The following TRPS1 variants were observed in gnomAD, a reference collection of about 807,000 sequenced individuals.
TRPS1 encodes zinc finger transcription factor Trps1.
TRPS1 carries 6 observed loss-of-function variants against 101.2 expected under a neutral mutation model. That is an observed-to-expected ratio of 0.06 (90% CI 0.03 to 0.12). The LOEUF is 0.12. Ranked by LOEUF, TRPS1 falls within the 10% of genes least tolerant of loss-of-function variation. The probability of loss-of-function intolerance (pLI) is 1.00; values close to 1 mark genes in which losing one functional copy is unlikely to be tolerated. For synonymous variants in TRPS1, 578 were observed against 589.8 expected (o/e 0.98, Z 0.29); for missense variants, 1,363 against 1,567.0 (o/e 0.87, Z 2.20).
chr8:115,529,575 C>G (rs1194989075), intron 5 of TRPS1, among the ~76,000 whole-genome samples: 1 of 152,038 alleles, frequency 6.6e-6, no homozygotes, highest in East Asian at 1.9e-4. Context: ...CTATGACTAC[C>G]TCTCCTGAAG....
At chr8:115,638,067 A>G (rs920657467) in intron 1 of TRPS1, among the ~76,000 whole-genome samples, 2 of 152,186 alleles carry the variant, frequency 1.3e-5, no homozygotes, top group Non-Finnish European at 2.9e-5. Context: ...CTCAGTGATG[A>G]TCCCCACTAT....
At chr8:115,663,669 A>ATAGATAATT (rs1811857737) in intron 1 of TRPS1, among the ~76,000 whole-genome samples, 1 of 131,144 alleles carries the variant, frequency 7.6e-6, no homozygotes, top group African/African-American at 4.2e-5. Flanking sequence ...TTTGAAGTAC[A>ATAGATAATT]TAGATAATTT....
intron 1 of TRPS1, among the ~76,000 whole-genome samples, chr8:115,654,086 A>C (rs1347987462): frequency 6.6e-6 from 1 of 152,240 alleles, no homozygotes; most frequent in Non-Finnish European, 1.5e-5. Flanking sequence ...AAGGGATTTA[A>C]GTAAAATACC....
At chr8:115,488,309 T>C (rs1814936696) in intron 5 of TRPS1, among the ~76,000 whole-genome samples, 1 of 152,204 alleles carries the variant, frequency 6.6e-6, no homozygotes. Flanking sequence ...AAAATATTCA[T>C]GGGATTTGTT....
In TRPS1 at chr8:115,619,985, C is replaced by T; in HGVS notation, c.113G>A (p.Gly38Asp). 6.2e-7 allele frequency: 1 copy of T among 1,614,152 alleles called. No individual in the cohort carries two copies. Among genetic ancestry groups the T allele is most frequent in the Non-Finnish European group, 8.5e-7 (1 of 1,180,040 alleles). ...CTTTCCAGATACCTTGCTTTCTGTA[C>T]CTATAGGCTCCAGGATCTGGCCCTC... Reference protein sequence around the residue: ...EGEGQILEPIGTESKVSGKNK... With the variant: ...EGEGQILEPIDTESKVSGKNK... Residue 38 changes from glycine to aspartate, a missense_variant, in exon 3 of 7, where the codon GGT becomes GAT. Coordinates refer to ENST00000395715, the MANE Select transcript of TRPS1 (RefSeq NM_014112.5).
At chr8:115,416,651 T>A (rs800903) in intron 6 of TRPS1, among the ~76,000 whole-genome samples, 87,130 of 150,948 alleles carry the variant, frequency 0.58, 26,502 homozygotes, top group African/African-American at 0.78. Flanking sequence ...TACACTTGAA[T>A]GAAAGGGAGT....
At chr8:115,520,488 T>C (rs1563571139) in intron 5 of TRPS1, among the ~76,000 whole-genome samples, 1 of 151,878 alleles carries the variant, frequency 6.6e-6, no homozygotes, top group East Asian at 1.9e-4. Flanking sequence ...ATTGTTTATG[T>C]AGGCTTTGGA....
intron 1 of TRPS1, among the ~76,000 whole-genome samples, chr8:115,664,385 G>A (rs60312020): frequency 0.074 from 11,227 of 152,078 alleles, 1,228 homozygotes; most frequent in African/African-American, 0.24. Flanking sequence ...CCATCTTTAT[G>A]CTATATCTAA....
At chr8:115,510,294 T>A (rs1586348416) in intron 5 of TRPS1, among the ~76,000 whole-genome samples, 1 of 151,972 alleles carries the variant, frequency 6.6e-6, no homozygotes, top group Non-Finnish European at 1.5e-5. Context: ...CAGACTTGGC[T>A]GGTTATGGAC....
intron 5 of TRPS1, among the ~76,000 whole-genome samples, chr8:115,480,503 C>G (rs1314392839): frequency 2.0e-5 from 3 of 151,890 alleles, no homozygotes; most frequent in Non-Finnish European, 4.4e-5. Context: ...AAACCTGATG[C>G]CTTCTTAGGT....
At chr8:115,582,633 C>T (rs112737753) in intron 5 of TRPS1, among the ~76,000 whole-genome samples, 168 of 152,226 alleles carry the variant, frequency 1.1e-3, no homozygotes, top group African/African-American at 3.8e-3. Context: ...GACAGATGAA[C>T]GGAGATCCTG....
At chr8:115,635,010 T>C (rs1444520018) in intron 1 of TRPS1, among the ~76,000 whole-genome samples, 1 of 152,154 alleles carries the variant, frequency 6.6e-6, no homozygotes, top group Non-Finnish European at 1.5e-5. Flanking sequence ...AAATAATAGA[T>C]GAACCCTGGC....
intron 1 of TRPS1, among the ~76,000 whole-genome samples, chr8:115,629,040 C>G (rs1818577543): frequency 2.6e-5 from 4 of 151,548 alleles, no homozygotes; most frequent in Admixed American, 2.0e-4. Flanking sequence ...TGCCATTTAG[C>G]CAACAAAACT....
At chr8:115,456,952 A>C (rs921597973) in intron 5 of TRPS1, among the ~76,000 whole-genome samples, 4 of 152,150 alleles carry the variant, frequency 2.6e-5, no homozygotes, top group Admixed American at 2.6e-4. Flanking sequence ...TAATGAGAAA[A>C]CTAATTTGCT....
chr8:115,493,978 G>T (rs1815091342), intron 5 of TRPS1, among the ~76,000 whole-genome samples: 1 of 152,000 alleles, frequency 6.6e-6, no homozygotes, highest in Non-Finnish European at 1.5e-5. Context: ...CTTTCACAAG[G>T]TTCTGTCACA....
chr8:115,479,431 C>A (rs1196196186), intron 5 of TRPS1, among the ~76,000 whole-genome samples: 1 of 151,944 alleles, frequency 6.6e-6, no homozygotes, highest in Admixed American at 6.6e-5. Flanking sequence ...GTGGTTTGCA[C>A]AGTGAAAAAA....
At chr8:115,621,922 AAAAAACAAAAGC>A (rs1456101041) in intron 2 of TRPS1, among the ~76,000 whole-genome samples, 3 of 152,036 alleles carry the variant, frequency 2.0e-5, no homozygotes, top group African/African-American at 4.8e-5. Context: ...ATCTCAAAAA[AAAAAACAAAAGC>A]AAAAACAAAA....
intron 5 of TRPS1, among the ~76,000 whole-genome samples, chr8:115,547,742 A>G (rs763363542): frequency 2.0e-5 from 3 of 152,012 alleles, no homozygotes; most frequent in African/African-American, 4.8e-5. Context: ...AGCTGCCTTT[A>G]TCTTAGCCAT....
intron 2 of TRPS1, among the ~76,000 whole-genome samples, chr8:115,623,302 T>C (rs903812286): frequency 2.6e-5 from 4 of 152,002 alleles, no homozygotes; most frequent in Non-Finnish European, 4.4e-5. Context: ...TTAGTTGCTG[T>C]TTTTTAAAAA....
Sources: gnomAD v4.1 joint callset for allele counts (sites outside exome capture counted in the v4.1 genomes callset) on GRCh38, gnomAD v4.1.1 for gene constraint, MANE v1.5 for transcripts, NCBI Gene and HGNC (gene_info 2026-07-23, HGNC 2026-07-21) for gene names.